REDIC1: variants seen among roughly 807,000 people sequenced by gnomAD.
REDIC1 encodes regulator of DNA class I crossover intermediates 1.
the REDIC1 span, among the ~76,000 whole-genome samples, chr12:39,734,230 G>T: frequency 6.6e-6 from 1 of 152,254 alleles, no homozygotes; most frequent in Admixed American, 6.5e-5. Flanking sequence ...GCCCTCCATG[G>T]GCTGCATGCA....
At chr12:39,700,169 G>A in the REDIC1 span, among the ~76,000 whole-genome samples, 5 of 151,974 alleles carry the variant, frequency 3.3e-5, no homozygotes, top group Non-Finnish European at 7.4e-5. Flanking sequence ...CAAACCAAAG[G>A]CAAAGAAGTT....
chr12:39,787,305 A>C, the REDIC1 span, among the ~76,000 whole-genome samples: 1 of 152,242 alleles, frequency 6.6e-6, no homozygotes, highest in South Asian at 2.1e-4. Flanking sequence ...GCATGAAATG[A>C]AATTAGTATT....
the REDIC1 span, among the ~76,000 whole-genome samples, chr12:39,821,320 G>T: frequency 2.0e-5 from 3 of 152,036 alleles, no homozygotes; most frequent in East Asian, 5.8e-4. Flanking sequence ...TGAGGCAGGA[G>T]AATGGCGTGA....
the REDIC1 span, among the ~76,000 whole-genome samples, chr12:39,672,302 C>T: frequency 2.0e-5 from 3 of 152,000 alleles, no homozygotes; most frequent in Non-Finnish European, 4.4e-5. Flanking sequence ...GTGAACAGGG[C>T]AGGCTGGTCC....
At chr12:39,646,720 G>C in the REDIC1 span, 2 of 644,528 alleles carry the variant, frequency 3.1e-6, no homozygotes, top group South Asian at 5.4e-5. Context: ...TTATGACCCT[G>C]TAGTGATTTA....
chr12:39,743,686 A>T, the REDIC1 span, among the ~76,000 whole-genome samples: 2,116 of 152,312 alleles, frequency 0.014, 49 homozygotes, highest in African/African-American at 0.047. Flanking sequence ...AACAGAAATG[A>T]AGAATGCCTT....
chr12:39,878,156 T>C, the REDIC1 span, among the ~76,000 whole-genome samples: 1 of 152,224 alleles, frequency 6.6e-6, no homozygotes, highest in South Asian at 2.1e-4. Flanking sequence ...ACCTCTTTTC[T>C]TCATAAATTA....
the REDIC1 span, among the ~76,000 whole-genome samples, chr12:39,901,268 G>A: frequency 6.6e-6 from 1 of 152,120 alleles, no homozygotes; most frequent in African/African-American, 2.4e-5. Flanking sequence ...TACCATTCAG[G>A]ACATAGGCAT....
At chr12:39,882,647 G>A in the REDIC1 span, among the ~76,000 whole-genome samples, 4 of 152,006 alleles carry the variant, frequency 2.6e-5, no homozygotes, top group Admixed American at 2.6e-4. Flanking sequence ...CACCAAGAAA[G>A]CGTGAGCAAT....
chr12:39,838,470 A>G, the REDIC1 span, among the ~76,000 whole-genome samples: 1 of 148,672 alleles, frequency 6.7e-6, no homozygotes, highest in African/African-American at 2.5e-5. Context: ...GTGCACATGT[A>G]CCCTAAAACT....
the REDIC1 span, among the ~76,000 whole-genome samples, chr12:39,887,986 C>A: frequency 1.3e-5 from 2 of 152,176 alleles, no homozygotes; most frequent in African/African-American, 4.8e-5. Context: ...CACATCACCA[C>A]CCCACTCTCA....
the REDIC1 span, among the ~76,000 whole-genome samples, chr12:39,789,078 C>T: frequency 4.6e-5 from 7 of 152,176 alleles, no homozygotes; most frequent in South Asian, 4.2e-4. Context: ...ATAAGATAAT[C>T]ACTGATTTAC....
chr12:39,895,912 G>GTGTA, the REDIC1 span, among the ~76,000 whole-genome samples: 27 of 147,316 alleles, frequency 1.8e-4, no homozygotes, highest in African/African-American at 6.6e-4. Context: ...ATATGTATAT[G>GTGTA]TATGCATATA....
At chr12:39,775,927 G>A in the REDIC1 span, among the ~76,000 whole-genome samples, 2 of 152,270 alleles carry the variant, frequency 1.3e-5, no homozygotes, top group South Asian at 2.1e-4. Context: ...TCCAATGAGC[G>A]TTTCCTTTGA....
At chr12:39,696,319 G>A in the REDIC1 span, among the ~76,000 whole-genome samples, 5 of 151,024 alleles carry the variant, frequency 3.3e-5, no homozygotes, top group East Asian at 2.0e-4. Flanking sequence ...CGAGGCGGGC[G>A]GATCACGAGG....
chr12:39,889,501 C>G, the REDIC1 span, among the ~76,000 whole-genome samples: 16 of 151,126 alleles, frequency 1.1e-4, no homozygotes, highest in East Asian at 2.1e-3. Context: ...TGAGTAGAGG[C>G]CGACTTTACG....
the REDIC1 span, among the ~76,000 whole-genome samples, chr12:39,860,687 C>T: frequency 7.2e-5 from 11 of 152,238 alleles, no homozygotes; most frequent in South Asian, 2.3e-3. Flanking sequence ...CCAAAGACTC[C>T]TTCCTCCTAT....
At chr12:39,672,444 G>T in the REDIC1 span, among the ~76,000 whole-genome samples, 9 of 152,276 alleles carry the variant, frequency 5.9e-5, no homozygotes, top group East Asian at 5.8e-4. Flanking sequence ...TTTGGTAGCT[G>T]CCTGAGACAG....
At chr12:39,702,005 C>T in the REDIC1 span, among the ~76,000 whole-genome samples, 2 of 152,056 alleles carry the variant, frequency 1.3e-5, no homozygotes, top group African/African-American at 4.8e-5. Flanking sequence ...CCAAAATTGA[C>T]ACCCTAACAT....
Sources: allele counts gnomAD v4.1 joint callset (sites outside exome capture counted in the v4.1 genomes callset), GRCh38; gene constraint gnomAD v4.1.1; transcripts MANE v1.5; gene names NCBI Gene and HGNC (gene_info 2026-07-23, HGNC 2026-07-21).